MCM4: variants seen among roughly 807,000 people sequenced by gnomAD.
MCM4 encodes the protein minichromosome maintenance complex component 4, also known as DNA replication licensing factor MCM4.
MCM4 carries 60 observed loss-of-function variants against 88.7 expected under a neutral mutation model. That is an observed-to-expected ratio of 0.68 (90% CI 0.55 to 0.84). MCM4 has a LOEUF of 0.84. Among genes scored for constraint, MCM4 ranks in the 40% least tolerant of loss-of-function variants. The pLI, the probability that MCM4 is intolerant of heterozygous loss-of-function variation, is 0.00. For missense variants in MCM4, 1,149 were observed against 1,105.5 expected, an observed-to-expected ratio of 1.04 and a Z score of -0.56; for synonymous variants, 465 against 410.5, an observed-to-expected ratio of 1.13 and a Z score of -1.61.
In MCM4 at chr8:47,961,629, C is replaced by A. The variant is rs1034067956; in HGVS notation, c.184C>A (p.Pro62Thr). 2 of 1,614,086 alleles carry A rather than the reference C, an allele frequency of 1.2e-6. No homozygotes were observed. The highest frequency in any genetic ancestry group is 2.2e-5 in the East Asian group (1 of 44,882). Residue 62 changes from proline (P) to threonine (T), a missense_variant, in exon 3 of 17, where the codon CCT becomes ACT. Coordinates refer to ENST00000649973, the MANE Select transcript of MCM4 (RefSeq NM_182746.3). ...PTSPGVDLQS[P>T]AAQDVLFSSP... ...CTCGCCTGGAGTGGACCTGCAGAGC[C>A]CTGCTGCGCAGGACGTGCTGTTTTC...
At chr8:47,975,902 A>ATT (rs2090996797) in intron 16 of MCM4, 54 bp downstream of exon 16, 1 of 1,330,830 alleles carries the variant, frequency 7.5e-7, no homozygotes, top group Non-Finnish European at 9.9e-7. Flanking sequence ...TTTCCTTAAT[A>ATT]TTGCTTTTGG....
In MCM4 at chr8:47,969,790, G is replaced by A. The variant is rs1224912447; in HGVS notation, c.1175-8G>A. ...AGGTAAAAGTGCATCTCCTGGTTGT[G>A]CCCTCAGGCATCTATCGAGCTGTGC... On this transcript the variant is annotated splice_polypyrimidine_tract_variant and splice_region_variant and intron_variant, in intron 10 of 16. Coordinates refer to ENST00000649973, the MANE Select transcript of MCM4 (RefSeq NM_182746.3). 6.2e-7 allele frequency: 1 copy of A among 1,613,324 alleles called. No individual in the cohort carries two copies. Among genetic ancestry groups the A allele is most frequent in the Non-Finnish European group, 8.5e-7 (1 of 1,179,216 alleles).
At chr8:47,972,634 G>T (rs555439551) in intron 13 of MCM4, among the ~76,000 whole-genome samples, 1 of 151,960 alleles carries the variant, frequency 6.6e-6, no homozygotes, top group Non-Finnish European at 1.5e-5. Context: ...TTGGCTCACC[G>T]CAACCTTCGC....
Position 47,972,878 on chromosome 8 carries a change from G to A in MCM4, c.1950G>A (p.Leu650=), listed in dbSNP as rs757483713. Residue 650 remains leucine, a synonymous_variant, in exon 14 of 17, where the codon TTG becomes TTA. Coordinates refer to ENST00000649973, the MANE Select transcript of MCM4 (RefSeq NM_182746.3). ...TTAGGTTTGATTTGATCTTCCTCTT[G>A]CTGGACCCTCAGGACGAAGCCTATG... is the stretch of plus-strand genomic sequence containing the variant. The part of the protein sequence containing the change: ...LLSRFDLIFL[L]LDPQDEAYDR... The A allele has an allele frequency of 1.7e-5, 28 of 1,613,986 alleles. No individual in the cohort carries two copies. Among genetic ancestry groups the A allele is most frequent in the Non-Finnish European group, 6.8e-6 (8 of 1,179,980 alleles).
At chr8:47,965,693 G>T (rs142042478) in intron 8 of MCM4, among the ~76,000 whole-genome samples, 1 of 152,302 alleles carries the variant, frequency 6.6e-6, no homozygotes, top group African/African-American at 2.4e-5. Flanking sequence ...CATCTAAGGG[G>T]TTCTCCTGTG....
intron 13 of MCM4, among the ~76,000 whole-genome samples, chr8:47,972,024 G>C (rs1310846811): frequency 6.6e-6 from 1 of 151,746 alleles, no homozygotes; most frequent in Non-Finnish European, 1.5e-5. Context: ...CTGAGCTCAG[G>C]AGTTTGAGGC....
intron 16 of MCM4, 111 bp downstream of exon 16, chr8:47,975,959 G>A: frequency 2.4e-6 from 2 of 834,324 alleles, no homozygotes; most frequent in Non-Finnish European, 3.3e-6. Flanking sequence ...GAAGAATGAA[G>A]AAAAGGAAGA....
chr8:47,970,146 G>A lies in MCM4; in HGVS notation c.1434+89G>A, dbSNP rs17334444. The A allele has an allele frequency of 3.7e-3, 5,403 of 1,445,154 alleles. 51 individuals carry two copies. Among genetic ancestry groups the A allele is most frequent in the South Asian group, 0.025 (1,914 of 77,316 alleles). The allele number at this position is 1,445,154 out of a possible 1,614,324, so 89.5% of individuals were successfully genotyped here. A position where few individuals can be genotyped will look rare whatever the true frequency, so the allele number is the denominator to read the frequency against. On this transcript the variant is annotated intron_variant, in intron 11 of 16. Coordinates refer to ENST00000649973, the MANE Select transcript of MCM4 (RefSeq NM_182746.3). ...ATCCACTCCGCCACTCGAGCCATCCGCCATAAAGGACAGAGTTGTGGCCTG... is the reference window on the plus strand; with the variant it reads ...ATCCACTCCGCCACTCGAGCCATCCACCATAAAGGACAGAGTTGTGGCCTG...
chr8:47,973,029 C>T lies in MCM4; in HGVS notation c.2101C>T (p.Arg701Trp), dbSNP rs767399226. The T allele has an allele frequency of 6.1e-5, 98 of 1,613,784 alleles. No individual in the cohort carries two copies. The highest frequency in any genetic ancestry group is 7.6e-5 in the Non-Finnish European group (90 of 1,180,006). ...IAYAHSTIMP[R>W]LSEEASQALI... ...CTACGCGCACAGCACCATCATGCCG[C>T]GGCTAAGTGAGGAAGCCAGCCAGGC... is the stretch of plus-strand genomic sequence containing the variant. The change falls in exon 14 of 17, where the codon CGG becomes TGG. Residue 701 changes from arginine to tryptophan, a missense_variant. Transcript: ENST00000649973.
rs1392517665 is a variant in MCM4 at position 47,970,702 on chromosome 8, C to T, written c.1626C>T (p.Gly542=). The change falls in exon 12 of 17, where the codon GGC becomes GGT. Residue 542 remains glycine, a synonymous_variant. Coordinates refer to ENST00000649973, the MANE Select transcript of MCM4 (RefSeq NM_182746.3). ...YTSGKGSSAV[G]LTAYVMKDPE... ...CTGGGAAGGGCTCCAGTGCAGTTGG[C>T]CTCACTGCGTACGTAATGAAAGACC... is the stretch of plus-strand genomic sequence containing the variant. The T allele has an allele frequency of 6.2e-7, 1 of 1,614,146 alleles. No individual in the cohort carries two copies.
rs1429480372 is a variant in MCM4 at position 47,967,451 on chromosome 8, C to T, written c.1140C>T (p.Asp380=). 1.2e-6 allele frequency: 2 copies of T among 1,614,094 alleles called. No homozygotes were observed. Among genetic ancestry groups the T allele is most frequent in the Admixed American group, 3.3e-5 (2 of 60,002 alleles). The change falls in exon 10 of 17, where the codon GAC becomes GAT. Residue 380 remains aspartate, a synonymous_variant. Coordinates refer to ENST00000649973, the MANE Select transcript of MCM4 (RefSeq NM_182746.3). ...TGTTTGCTCACAATGATCTCGTTGA[C>T]AAGGTCCAGCCTGGGGACAGAGTGA... ...VILFAHNDLV[D]KVQPGDRVNV... is the part of the protein sequence containing the mutation.
intron 2 of MCM4, 89 bp from the exon 3 acceptor site, chr8:47,961,427 G>C (rs746842424): frequency 1.6e-5 from 25 of 1,606,430 alleles, no homozygotes; most frequent in Non-Finnish European, 2.0e-5. Flanking sequence ...TGGTTCAGTG[G>C]TGAGTCATAA....
rs1480824800 is a variant in MCM4 at position 47,963,015 on chromosome 8, A to G, written c.668A>G (p.Tyr223Cys). ...EHIKSFDKNL[Y>C]RQLISYPQEV... ...ATCAAATCATTTGACAAAAATTTGTACAGACAACTCATCTCTTACCCACAG... is the reference window on the plus strand; with the variant it reads ...ATCAAATCATTTGACAAAAATTTGTGCAGACAACTCATCTCTTACCCACAG... Residue 223 changes from tyrosine to cysteine, a missense_variant, in exon 7 of 17, where the codon TAC becomes TGC. This residue lies in a region of MCM4 where 906 missense variants were observed against 843.0 expected (regional missense o/e 1.07). Transcript: ENST00000649973. 8.1e-6 allele frequency: 13 copies of G among 1,605,360 alleles called. No homozygotes were observed. The highest frequency in any genetic ancestry group is 4.0e-5 in the African/African-American group (3 of 74,666).
rs972266719 is a variant in MCM4, at chr8:47,975,172, GT to G, written c.2365+219del. 792 of 408,782 alleles carry G rather than the reference GT, an allele frequency of 1.9e-3. 4 individuals carry two copies. The highest frequency in any genetic ancestry group is 0.015 in the African/African-American group (693 of 47,748). The allele number at this position is 408,782 out of a possible 1,614,324, so 25.3% of individuals were successfully genotyped here. A position where few individuals can be genotyped will look rare whatever the true frequency, so the allele number is the denominator to read the frequency against. On this transcript the variant is annotated intron_variant, in intron 15 of 16. Coordinates refer to ENST00000649973, the MANE Select transcript of MCM4 (RefSeq NM_182746.3). ...ATTAACACACACAGTTTTGTGTATA[GT>G]TTTTTTTTGTTTTTTTTTTTTATAC...
chr8:47,962,570 G>A (rs2090854537), intron 5 of MCM4, among the ~76,000 whole-genome samples, 164 bp downstream of exon 5: 1 of 152,152 alleles, frequency 6.6e-6, no homozygotes, highest in Non-Finnish European at 1.5e-5. Flanking sequence ...GATCACTTGA[G>A]GCCAGGAGTT....
chr8:47,964,990 C>T (rs538161676), intron 8 of MCM4, among the ~76,000 whole-genome samples: 11 of 151,790 alleles, frequency 7.2e-5, no homozygotes, highest in South Asian at 2.1e-4. Flanking sequence ...CCGAGGCAGG[C>T]GGATCACCTG....
rs974807033 is a variant in MCM4 at position 47,976,972 on chromosome 8, A to C, written c.*194A>C. ...TTCATTTTTTTCACGTTATAAATAA[A>C]AATACTATGCTGGCCGGGCGCGGTG... On this transcript the variant is annotated 3_prime_UTR_variant, in exon 17 of 17. Coordinates refer to ENST00000649973, the MANE Select transcript of MCM4 (RefSeq NM_182746.3). 1 of 470,600 alleles carries C rather than the reference A, an allele frequency of 2.1e-6. No individual in the cohort carries two copies. The highest frequency in any genetic ancestry group is 2.0e-5 in the African/African-American group (1 of 50,534). The allele number at this position is 470,600 out of a possible 1,614,324, so 29.2% of individuals were successfully genotyped here. A position where few individuals can be genotyped will look rare whatever the true frequency, so the allele number is the denominator to read the frequency against.
rs769864544 is a variant in MCM4, at chr8:47,971,745, C to T, written c.1928+277C>T. 3.3e-5 allele frequency among the ~76,000 whole-genome samples: 5 copies of T among 152,118 alleles called. No homozygotes were observed. The East Asian group carries it at 9.6e-4, about 29-fold the overall frequency. Reference sequence around the variant, plus strand: ...GCTGAGAGTCAACAGAGAACAATTCCGTACAGTAGATGAGGCTCTGAAAAG... The same window carrying T: ...GCTGAGAGTCAACAGAGAACAATTCTGTACAGTAGATGAGGCTCTGAAAAG... On this transcript the variant is annotated intron_variant, in intron 13 of 16. Transcript: ENST00000649973.
chr8:47,961,499 G>A lies in MCM4; in HGVS notation c.71-17G>A, dbSNP rs1338955605. 2 of 1,613,554 alleles carry A rather than the reference G, an allele frequency of 1.2e-6. No individual in the cohort carries two copies. The highest frequency in any genetic ancestry group is 2.2e-5 in the East Asian group (1 of 44,892). The stretch of plus-strand genomic sequence containing the variant: ...CTGAAAGTTAATGGCTGTCTTTTCT[G>A]TTTTGTGTGACACAAGCTCGGAGTG... On this transcript the variant is annotated splice_polypyrimidine_tract_variant and intron_variant, in intron 2 of 16. Transcript: ENST00000649973.
Sources: gnomAD v4.1 joint callset for allele counts (sites outside exome capture counted in the v4.1 genomes callset) on GRCh38, gnomAD v4.1.1 for gene constraint, gnomAD v4.1.1 regional missense constraint, MANE v1.5 for transcripts, NCBI Gene and HGNC (gene_info 2026-07-23, HGNC 2026-07-21) for gene names.